Variants in CLIC5 observed in about 807,000 individuals in gnomAD.
CLIC5 encodes chloride intracellular channel protein 5.
Under a neutral mutation model 24.7 loss-of-function variants are expected in CLIC5, and 20 were observed. That is an observed-to-expected ratio of 0.81 (90% confidence interval 0.57 to 1.18). The LOEUF (loss-of-function observed/expected upper bound fraction) is 1.18, where lower values mean the gene tolerates loss of function less well. CLIC5 is among the 50% of genes most tolerant of loss of function. CLIC5 has a pLI of 0.00. For synonymous variants in CLIC5, 159 were observed against 135.6 expected (o/e 1.17, Z -1.20); for missense variants, 341 against 326.1 (o/e 1.05, Z -0.35).
intron 4 of CLIC5, among the ~76,000 whole-genome samples, chr6:45,920,860 T>C (rs903708418): frequency 2.0e-5 from 3 of 152,114 alleles, no homozygotes; most frequent in Non-Finnish European, 4.4e-5. Flanking sequence ...ACGAGCTCAA[T>C]TTTGAGGAGA....
At chr6:46,120,660 T>C in the CLIC5 span, among the ~76,000 whole-genome samples, 1 of 151,928 alleles carries the variant, frequency 6.6e-6, no homozygotes, top group African/African-American at 2.4e-5. Context: ...TACGAACCCA[T>C]CATAAAGAAG....
At chr6:45,897,015 C>T (rs1762403102), downstream of CLIC5, among the ~76,000 whole-genome samples, 2 of 152,318 alleles carry the variant, frequency 1.3e-5, no homozygotes, top group East Asian at 1.9e-4. Flanking sequence ...GGATGAATTA[C>T]AGAACAGGAA....
At chr6:46,074,376 T>C (rs1223051776) in intron 1 of CLIC5, among the ~76,000 whole-genome samples, 6 of 152,188 alleles carry the variant, frequency 3.9e-5, no homozygotes, top group African/African-American at 1.4e-4. Flanking sequence ...GCTATGGCAA[T>C]AATAGTAATT....
intron 1 of CLIC5, among the ~76,000 whole-genome samples, chr6:46,003,990 A>G (rs1483620429): frequency 6.6e-6 from 1 of 152,214 alleles, no homozygotes; most frequent in African/African-American, 2.4e-5. Flanking sequence ...AAAGGATAAG[A>G]GACCCAAAAA....
chr6:45,894,910 T>TTGTCTGG (rs11283127), downstream of CLIC5, among the ~76,000 whole-genome samples: 11,893 of 152,180 alleles, frequency 0.078, 1,259 homozygotes, highest in African/African-American at 0.24. Context: ...CAAGTTGTTT[T>TTGTCTGG]TGTCTGGTCC....
At chr6:46,120,480 G>GA in the CLIC5 span, among the ~76,000 whole-genome samples, 3 of 152,148 alleles carry the variant, frequency 2.0e-5, no homozygotes, top group African/African-American at 4.8e-5. Flanking sequence ...CAAAGATGGG[G>GA]AAAAAACAGA....
intron 1 of CLIC5, among the ~76,000 whole-genome samples, chr6:45,974,966 C>G (rs903313516): frequency 6.6e-6 from 1 of 152,102 alleles, no homozygotes; most frequent in Non-Finnish European, 1.5e-5. Context: ...AAAGAACTTA[C>G]AGTTTTCAGA....
chr6:45,914,578 T>C, intron 4 of CLIC5, 169 bp from the exon 5 acceptor site: 1 of 1,223,150 alleles, frequency 8.2e-7, no homozygotes, highest in Non-Finnish European at 1.0e-6. Context: ...GCAGTAGAAG[T>C]GTACTAAATA....
At chr6:46,048,530 C>T (rs1309184870) in intron 1 of CLIC5, among the ~76,000 whole-genome samples, 1 of 152,046 alleles carries the variant, frequency 6.6e-6, no homozygotes, top group Admixed American at 6.6e-5. Context: ...AGTCTCTTTG[C>T]CAGTGGTAAA....
At chr6:45,954,170 A>C (rs1235353877) in intron 2 of CLIC5, among the ~76,000 whole-genome samples, 1 of 148,794 alleles carries the variant, frequency 6.7e-6, no homozygotes, top group African/African-American at 2.5e-5. Flanking sequence ...GCTACTCGGG[A>C]GGCTGAGGCA....
intron 4 of CLIC5, among the ~76,000 whole-genome samples, chr6:45,921,980 C>T (rs79601106): frequency 0.046 from 6,964 of 152,226 alleles, 230 homozygotes; most frequent in Middle Eastern, 0.1. Context: ...CCCAGGCCTC[C>T]GTTTCTAGGC....
intron 1 of CLIC5, among the ~76,000 whole-genome samples, chr6:46,071,562 T>C (rs1470040456): frequency 6.6e-6 from 1 of 152,092 alleles, no homozygotes; most frequent in East Asian, 1.9e-4. Flanking sequence ...AGAATGGCTA[T>C]TATTAAAAAG....
At chr6:45,886,956 G>A (rs188654668) in intron 6 of CLIC5, among the ~76,000 whole-genome samples, 1 of 152,320 alleles carries the variant, frequency 6.6e-6, no homozygotes, top group Admixed American at 6.5e-5. Context: ...GATCTGGAAT[G>A]TTTCTAGATG....
At chr6:46,041,355 T>C (rs527982628) in intron 1 of CLIC5, among the ~76,000 whole-genome samples, 2 of 152,340 alleles carry the variant, frequency 1.3e-5, no homozygotes, top group Admixed American at 1.3e-4. Context: ...TTGTAAATAA[T>C]TAATGGTCCC....
chr6:46,117,480 A>C, the CLIC5 span, among the ~76,000 whole-genome samples: 3 of 152,246 alleles, frequency 2.0e-5, no homozygotes, highest in South Asian at 4.1e-4. Flanking sequence ...GACTCAACCC[A>C]ATTAAAATGT....
intron 5 of CLIC5, chr6:45,912,005 C>T (rs1045651729): frequency 2.2e-5 from 22 of 985,614 alleles, no homozygotes; most frequent in African/African-American, 1.0e-4. Flanking sequence ...AAGCGAGCCA[C>T]GCAAGAGGAG....
At chr6:45,994,851 G>A (rs896236476) in intron 1 of CLIC5, among the ~76,000 whole-genome samples, 4 of 152,020 alleles carry the variant, frequency 2.6e-5, no homozygotes, top group African/African-American at 9.7e-5. Context: ...GTCTGCTCTT[G>A]CCCTCACCCA....
intron 1 of CLIC5, among the ~76,000 whole-genome samples, chr6:45,963,017 C>A (rs1385822271): frequency 1.3e-5 from 2 of 152,224 alleles, no homozygotes; most frequent in African/African-American, 4.8e-5. Flanking sequence ...TCCCTTCTCC[C>A]AGCCCCTTCT....
intron 1 of CLIC5, among the ~76,000 whole-genome samples, chr6:46,048,724 C>A (rs1035723159): frequency 2.4e-4 from 36 of 152,214 alleles, no homozygotes; most frequent in Admixed American, 2.0e-3. Flanking sequence ...GCAATGGACA[C>A]AATTCAATAT....
Sources: gnomAD v4.1 joint callset for allele counts (sites outside exome capture counted in the v4.1 genomes callset) on GRCh38, gnomAD v4.1.1 for gene constraint, MANE v1.5 for transcripts, NCBI Gene and HGNC (gene_info 2026-07-23, HGNC 2026-07-21) for gene names.